Variants in SYNPR observed in about 807,000 individuals in gnomAD.
SYNPR encodes synaptoporin.
A neutral mutation model predicts 32.9 loss-of-function variants in SYNPR; 23 were observed. The ratio of observed to expected loss-of-function variants is 0.70; its 90% confidence interval spans 0.50 to 0.99. SYNPR has a LOEUF of 0.99. SYNPR is among the 50% of genes least tolerant of loss of function. The probability of loss-of-function intolerance (pLI) is 0.00; values close to 1 mark genes in which losing one functional copy is unlikely to be tolerated. For synonymous variants in SYNPR, 146 were observed against 135.9 expected, an observed-to-expected ratio of 1.07 and a Z score of -0.52; for missense variants, 318 against 349.3, an observed-to-expected ratio of 0.91 and a Z score of 0.71.
chr3:63,233,841 T>C (rs1460780028), intron 1 of SYNPR, among the ~76,000 whole-genome samples: 1 of 152,190 alleles, frequency 6.6e-6, no homozygotes, highest in African/African-American at 2.4e-5. Flanking sequence ...CCTTAGGAAA[T>C]GTTGCCATTG....
At chr3:63,234,541 A>G (rs763833970) in intron 1 of SYNPR, among the ~76,000 whole-genome samples, 2 of 152,188 alleles carry the variant, frequency 1.3e-5, no homozygotes, top group Non-Finnish European at 2.9e-5. Flanking sequence ...ATACCCTTTC[A>G]GTAGGTTAAT....
chr3:63,400,112 A>T (rs1225164949), intron 2 of SYNPR, among the ~76,000 whole-genome samples: 2 of 152,244 alleles, frequency 1.3e-5, no homozygotes, highest in Non-Finnish European at 2.9e-5. Flanking sequence ...CAAAGAAAAG[A>T]ATGCTGATAT....
chr3:63,318,974 C>T (rs1267078799), intron 2 of SYNPR, among the ~76,000 whole-genome samples: 1 of 152,000 alleles, frequency 6.6e-6, no homozygotes, highest in Non-Finnish European at 1.5e-5. Context: ...TACTCTCCCC[C>T]TTTCCTATGG....
intron 2 of SYNPR, among the ~76,000 whole-genome samples, chr3:63,437,033 C>A (rs1013594944): frequency 6.6e-6 from 1 of 152,064 alleles, no homozygotes; most frequent in Admixed American, 6.6e-5. Flanking sequence ...CCTGCCACCA[C>A]GCCCGGCTAA....
intron 4 of SYNPR, among the ~76,000 whole-genome samples, chr3:63,582,438 C>G (rs1703108953): frequency 6.6e-6 from 1 of 152,026 alleles, no homozygotes; most frequent in Non-Finnish European, 1.5e-5. Context: ...CATAGCATAA[C>G]TACTCATGAC....
chr3:63,428,578 G>C (rs973996295), intron 2 of SYNPR, among the ~76,000 whole-genome samples: 1 of 152,172 alleles, frequency 6.6e-6, no homozygotes, highest in African/African-American at 2.4e-5. Context: ...TTTGTCTATG[G>C]GAAAACAAGT....
chr3:63,353,397 G>A (rs1358397175), intron 2 of SYNPR, among the ~76,000 whole-genome samples: 2 of 152,192 alleles, frequency 1.3e-5, no homozygotes, highest in Non-Finnish European at 2.9e-5. Context: ...TAGAATGAGT[G>A]ATGCCACAGG....
rs1699880228 is a variant in SYNPR at position 63,425,750 on chromosome 3, A to G, written c.85-55082A>G. Among the ~76,000 whole-genome samples, 4 of 151,716 alleles carry G rather than the reference A, an allele frequency of 2.6e-5. No homozygotes were observed. In the South Asian group the frequency reaches 8.4e-4, roughly 32 times the overall value. Reference sequence around the variant, plus strand: ...AATAACACTTATTCATGGAATTATTATAAATATTAAATGAACTTATGGAAA... The same window carrying G: ...AATAACACTTATTCATGGAATTATTGTAAATATTAAATGAACTTATGGAAA... On this transcript the variant is annotated intron_variant, in intron 2 of 5. Coordinates refer to ENST00000478300, the MANE Select transcript of SYNPR (RefSeq NM_001130003.2).
At chr3:63,431,469 C>G (rs1386084022) in intron 2 of SYNPR, among the ~76,000 whole-genome samples, 1 of 152,034 alleles carries the variant, frequency 6.6e-6, no homozygotes, top group African/African-American at 2.4e-5. Context: ...GTTAAGAGAA[C>G]AGACAAACAT....
At chr3:63,503,071 G>A (rs1265952894) in intron 3 of SYNPR, among the ~76,000 whole-genome samples, 1 of 152,120 alleles carries the variant, frequency 6.6e-6, no homozygotes, top group Non-Finnish European at 1.5e-5. Context: ...CAAAGTAGCT[G>A]AGCCATTTTG....
chr3:63,457,083 G>C (rs1323059729), intron 2 of SYNPR, among the ~76,000 whole-genome samples: 2 of 151,960 alleles, frequency 1.3e-5, no homozygotes, highest in Non-Finnish European at 2.9e-5. Flanking sequence ...CCCTAAGTGG[G>C]GCTATCACCT....
At chr3:63,238,129 T>C (rs544688334) in intron 1 of SYNPR, among the ~76,000 whole-genome samples, 29 of 152,218 alleles carry the variant, frequency 1.9e-4, no homozygotes, top group Non-Finnish European at 7.4e-5. Context: ...GACACCCTGG[T>C]ACTATGTAGT....
At chr3:63,264,396 G>GAAA (rs3082043) in intron 2 of SYNPR, among the ~76,000 whole-genome samples, 36,837 of 151,698 alleles carry the variant, frequency 0.24, 4,668 homozygotes, top group South Asian at 0.39. Flanking sequence ...AAGCCTGTTT[G>GAAA]AAAAAAATCA....
intron 2 of SYNPR, among the ~76,000 whole-genome samples, chr3:63,385,782 G>A (rs557849359): frequency 6.6e-6 from 1 of 152,296 alleles, no homozygotes; most frequent in East Asian, 1.9e-4. Flanking sequence ...GAGGAAACAC[G>A]TACAGTATGC....
chr3:63,369,232 C>G (rs1192801063), intron 2 of SYNPR, among the ~76,000 whole-genome samples: 1 of 152,136 alleles, frequency 6.6e-6, no homozygotes, highest in East Asian at 1.9e-4. Context: ...AAGCTAAGGA[C>G]AGGGACCTCA....
intron 4 of SYNPR, among the ~76,000 whole-genome samples, chr3:63,588,731 TGCTTTCCTAA>T (rs945933970): frequency 6.6e-6 from 1 of 152,152 alleles, no homozygotes; most frequent in African/African-American, 2.4e-5. Flanking sequence ...CAACCCTCGT[TGCTTTCCTAA>T]GCTTTCCTAG....
At chr3:63,527,218 C>T (rs190209836) in intron 3 of SYNPR, among the ~76,000 whole-genome samples, 1 of 152,194 alleles carries the variant, frequency 6.6e-6, no homozygotes, top group Admixed American at 6.5e-5. Flanking sequence ...AATGTATAGG[C>T]TCCAGTGGAA....
At chr3:63,443,379 T>C in intron 2 of SYNPR, 1 of 1,572,452 alleles carries the variant, frequency 6.4e-7, no homozygotes, top group Non-Finnish European at 8.6e-7. Flanking sequence ...AGAAGCTTTA[T>C]TTTTAGTATG....
chr3:63,464,778 G>A (rs1174930174), intron 2 of SYNPR, among the ~76,000 whole-genome samples: 1 of 151,946 alleles, frequency 6.6e-6, no homozygotes, highest in African/African-American at 2.4e-5. Flanking sequence ...CATTGTCTTT[G>A]GTTCCCATCA....
Sources: gnomAD v4.1 joint callset for allele counts (sites outside exome capture counted in the v4.1 genomes callset) on GRCh38, gnomAD v4.1.1 for gene constraint, MANE v1.5 for transcripts, NCBI Gene and HGNC (gene_info 2026-07-23, HGNC 2026-07-21) for gene names.